The following ANKDD1B variants were observed in gnomAD, a reference collection of about 807,000 sequenced individuals.
ANKDD1B encodes ankyrin repeat and death domain containing 1B.
In ANKDD1B, 57 loss-of-function variants were observed where a neutral mutation model predicts 59.7. The ratio of observed to expected loss-of-function variants is 0.95; its 90% CI spans 0.77 to 1.19. The LOEUF (loss-of-function observed/expected upper bound fraction) is 1.19. ANKDD1B is among the 50% of genes most tolerant of loss of function. The pLI, the probability that ANKDD1B is intolerant of heterozygous loss-of-function variation, is 0.00. For synonymous variants in ANKDD1B, 216 were observed against 239.5 expected (o/e 0.90, Z 0.91); for missense variants, 602 against 641.9 (o/e 0.94, Z 0.67).
At chr5:75,622,765 TTTG>T (rs1773887121) in intron 3 of ANKDD1B, among the ~76,000 whole-genome samples, 2 of 152,152 alleles carry the variant, frequency 1.3e-5, no homozygotes, top group Non-Finnish European at 2.9e-5. Context: ...GTGAGTGTAA[TTTG>T]TGACACATGG....
chr5:75,616,373 C>T (rs1488292832), intron 1 of ANKDD1B, among the ~76,000 whole-genome samples: 1 of 152,152 alleles, frequency 6.6e-6, no homozygotes, highest in Non-Finnish European at 1.5e-5. Flanking sequence ...AATCTTCATG[C>T]AGGCCTGGCC....
chr5:75,612,665 C>T (rs1344947146), intron 1 of ANKDD1B, among the ~76,000 whole-genome samples: 2 of 152,100 alleles, frequency 1.3e-5, no homozygotes, highest in African/African-American at 2.4e-5. Context: ...TCTGGTGGAA[C>T]ATTCTGTTGT....
chr5:75,625,798 G>A, intron 4 of ANKDD1B, 53 bp downstream of exon 4: 1 of 1,529,044 alleles, frequency 6.5e-7, no homozygotes, highest in Non-Finnish European at 8.8e-7. Flanking sequence ...CATTGCAGGA[G>A]AGAGGAAGTT....
chr5:75,669,234 C>T lies in ANKDD1B; in HGVS notation c.1394-18C>T. ...CAGCTCGTGGTGTTTTACCTCGGAC[C>T]TCTTGTGCTTGGCACAGGAAATGAA... On this transcript the variant is annotated intron_variant, in intron 12 of 13. Transcript: ENST00000601380. 1 of 1,231,972 alleles carries T rather than the reference C, an allele frequency of 8.1e-7. No individual in the cohort carries two copies. The allele number at this position is 1,231,972 out of a possible 1,614,324, so 76.3% of individuals were successfully genotyped here.
Position 75,634,259 on chromosome 5 carries a change from C to T in ANKDD1B, c.601-639C>T, listed in dbSNP as rs117856392. Among the ~76,000 whole-genome samples the T allele has an allele frequency of 1.2e-3, 184 of 152,250 alleles. 4 individuals are homozygous for T. The East Asian group carries it at 0.033, about 27-fold the overall frequency. On this transcript the variant is annotated intron_variant, in intron 5 of 13. Coordinates refer to ENST00000601380, the MANE Select transcript of ANKDD1B (RefSeq NM_001276713.2). ...CAGAAAATTCTATATTTGAGCTTAT[C>T]TTCTAAAAAAATCAAACCTAAACAT...
intron 7 of ANKDD1B, among the ~76,000 whole-genome samples, chr5:75,648,036 G>T (rs1290815143): frequency 8.4e-6 from 1 of 118,732 alleles, no homozygotes; most frequent in African/African-American, 4.3e-5. Context: ...CTCACTCATA[G>T]GTGGGAATTG....
chr5:75,657,076 T>C (rs1774997887), intron 9 of ANKDD1B, among the ~76,000 whole-genome samples: 1 of 152,210 alleles, frequency 6.6e-6, no homozygotes, highest in Non-Finnish European at 1.5e-5. Flanking sequence ...AAAAAACCAA[T>C]CTCCTTTTGT....
chr5:75,635,764 C>T lies in ANKDD1B; in HGVS notation c.700-20C>T, dbSNP rs1335793595. ...TCTCCTGGCACAGGGGTTTCTACGT[C>T]GAGTGTGTCTCTGTTGCAGGGGGGA... On this transcript the variant is annotated intron_variant, in intron 6 of 13. Transcript: ENST00000601380. 7.4e-6 allele frequency: 11 copies of T among 1,480,930 alleles called. No individual in the cohort carries two copies. Among genetic ancestry groups the T allele is most frequent in the East Asian group, 2.5e-5 (1 of 40,188 alleles). The allele number at this position is 1,480,930 out of a possible 1,614,324, so 91.7% of individuals were successfully genotyped here. A position where few individuals can be genotyped will look rare whatever the true frequency, so the allele number is the denominator to read the frequency against.
At chr5:75,629,152 G>A (rs1389847840) in intron 5 of ANKDD1B, among the ~76,000 whole-genome samples, 1 of 152,082 alleles carries the variant, frequency 6.6e-6, no homozygotes, top group Admixed American at 6.5e-5. Context: ...TAGACCCAAG[G>A]CAACATTTAA....
In ANKDD1B at chr5:75,663,556, T is replaced by TG. The variant is rs529179593; in HGVS notation, c.1191+74dup. ...AACACCCATCTTCTTGCAGGGGCAA[T>TG]GGGGGGGTCTGTGCCATTCTTTGCT... On this transcript the variant is annotated intron_variant, in intron 11 of 13. Coordinates refer to ENST00000601380, the MANE Select transcript of ANKDD1B (RefSeq NM_001276713.2). The TG allele has an allele frequency of 2.2e-4, 277 of 1,253,484 alleles. 2 individuals are homozygous for TG. Among genetic ancestry groups the TG allele is most frequent in the Admixed American group, 7.3e-4 (37 of 50,630 alleles). The allele number at this position is 1,253,484 out of a possible 1,614,324, so 77.6% of individuals were successfully genotyped here. A position where few individuals can be genotyped will look rare whatever the true frequency, so the allele number is the denominator to read the frequency against.
In ANKDD1B at chr5:75,656,049, T is replaced by A; in HGVS notation, c.918T>A (p.His306Gln). The A allele has an allele frequency of 2.0e-6, 3 of 1,508,226 alleles. No homozygotes were observed. The highest frequency in any genetic ancestry group is 2.7e-6 in the Non-Finnish European group (3 of 1,121,880). 93.4% of individuals were successfully genotyped at this position (1,508,226 alleles called of 1,614,324 possible). ...QKVEPKESPL[H>Q]LVVINNHITV... ...TGCAGCCTAAGGAGTCCCCTCTTCATTTAGTTGTTATCAACAACCACATCA... is the reference window on the plus strand; with the variant it reads ...TGCAGCCTAAGGAGTCCCCTCTTCAATTAGTTGTTATCAACAACCACATCA... The change falls in exon 9 of 14, where the codon CAT becomes CAA. Residue 306 changes from histidine to glutamine, a missense_variant. His to Gln is a conservative substitution (Grantham distance 24, BLOSUM62 0). This residue lies in a region of ANKDD1B where 280 missense variants were observed against 319.8 expected (regional missense o/e 0.88). Coordinates refer to ENST00000601380, the MANE Select transcript of ANKDD1B (RefSeq NM_001276713.2).
At chr5:75,661,114 A>G (rs1180566807) in intron 10 of ANKDD1B, among the ~76,000 whole-genome samples, 1 of 150,870 alleles carries the variant, frequency 6.6e-6, no homozygotes, top group Non-Finnish European at 1.5e-5. Context: ...AGTAACACAG[A>G]CTGGCTGGGC....
chr5:75,640,543 G>T (rs563844388), intron 7 of ANKDD1B, among the ~76,000 whole-genome samples: 2 of 152,340 alleles, frequency 1.3e-5, no homozygotes, highest in East Asian at 3.9e-4. Context: ...CATGTTGTTT[G>T]TCAAGTAATT....
chr5:75,660,498 C>A (rs185629889), intron 10 of ANKDD1B, among the ~76,000 whole-genome samples: 2 of 152,200 alleles, frequency 1.3e-5, no homozygotes, highest in African/African-American at 4.8e-5. Flanking sequence ...ATTCATCCAT[C>A]GATGGACATT....
chr5:75,651,208 G>A (rs1774820766), intron 7 of ANKDD1B, among the ~76,000 whole-genome samples: 1 of 152,200 alleles, frequency 6.6e-6, no homozygotes, highest in Admixed American at 6.5e-5. Context: ...TGAAGGGAGT[G>A]GCAAAGACAT....
Position 75,611,730 on chromosome 5 carries a change from G to A in ANKDD1B, c.96G>A (p.Leu32=). 3 of 1,231,948 alleles carry A rather than the reference G, an allele frequency of 2.4e-6. No homozygotes were observed. Among genetic ancestry groups the A allele is most frequent in the East Asian group, 3.2e-5 (1 of 31,702 alleles). The allele number at this position is 1,231,948 out of a possible 1,614,324, so 76.3% of individuals were successfully genotyped here. A position where few individuals can be genotyped will look rare whatever the true frequency, so the allele number is the denominator to read the frequency against. Residue 32 remains leucine, a synonymous_variant, in exon 1 of 14, where the codon CTG becomes CTA. Transcript: ENST00000601380. Reference sequence around the variant, plus strand: ...CCGCCAAGGGTCTCAGGGAAGACCTGTGGGGCGCGGCCGCCCTGCCTTGGA... The same window carrying A: ...CCGCCAAGGGTCTCAGGGAAGACCTATGGGGCGCGGCCGCCCTGCCTTGGA... The part of the protein sequence containing the change: ...AAAAKGLRED[L]WGAAALPWRS...
In ANKDD1B at chr5:75,625,917, C is replaced by T; in HGVS notation, c.562C>T (p.Gln188Ter). Residue 188 changes from glutamine (Q) to a stop codon, truncating the protein, a stop_gained, in exon 5 of 14, where the codon CAA becomes TAA. Transcript: ENST00000601380. LOFTEE classifies it high-confidence loss of function. Reference sequence around the variant, plus strand: ...TGTGCGCATCGTGGAGTATCTTATTCAAGATCTGCACCTCAAGGACCTGAA... The same window carrying T: ...TGTGCGCATCGTGGAGTATCTTATTTAAGATCTGCACCTCAAGGACCTGAA... ...NHVRIVEYLIQDLHLKDLNQP... is the reference protein window; with the variant it reads ...NHVRIVEYLI 6.5e-7 allele frequency: 1 copy of T among 1,536,142 alleles called. No homozygotes were observed. The highest frequency in any genetic ancestry group is 8.7e-7 in the Non-Finnish European group (1 of 1,146,884).
intron 8 of ANKDD1B, 42 bp downstream of exon 8, chr5:75,653,282 T>G: frequency 7.0e-7 from 1 of 1,421,828 alleles, no homozygotes; most frequent in Non-Finnish European, 9.6e-7. Flanking sequence ...CCTGGCGCCG[T>G]GAGGTTGGCT....
At chr5:75,626,090 C>T in intron 5 of ANKDD1B, 135 bp downstream of exon 5, 1 of 643,824 alleles carries the variant, frequency 1.6e-6, no homozygotes, top group Non-Finnish European at 2.7e-6. Flanking sequence ...ATCACCATGG[C>T]AGACCACAGA....
Sources: allele counts gnomAD v4.1 joint callset (sites outside exome capture counted in the v4.1 genomes callset), GRCh38; gene constraint gnomAD v4.1.1; regional missense constraint gnomAD v4.1.1; transcripts MANE v1.5; gene names NCBI Gene and HGNC (gene_info 2026-07-23, HGNC 2026-07-21).